The following MCF2L variants were observed in gnomAD, a reference collection of about 807,000 sequenced individuals.
The protein encoded by MCF2L is guanine nucleotide exchange factor DBS.
A neutral mutation model predicts 153.4 loss-of-function variants in MCF2L; 97 were observed. That is an observed-to-expected ratio of 0.63 (90% CI 0.54 to 0.75). MCF2L has a LOEUF of 0.75. MCF2L is among the 30% of genes least tolerant of loss of function. MCF2L has a pLI of 0.00. For synonymous variants in MCF2L, 659 were observed against 632.2 expected, an observed-to-expected ratio of 1.04 and a Z score of -0.64; for missense variants, 1,347 against 1,495.2, an observed-to-expected ratio of 0.90 and a Z score of 1.64.
chr13:113,087,575 T>G (rs2034755625), intron 22 of MCF2L, 119 bp downstream of exon 22: 2 of 1,092,470 alleles, frequency 1.8e-6, no homozygotes, highest in Non-Finnish European at 2.7e-6. Context: ...GGTGTAGGGG[T>G]GGGGTATTCT....
chr13:113,022,206 C>G (rs1443374968), intron 2 of MCF2L, among the ~76,000 whole-genome samples: 2 of 151,678 alleles, frequency 1.3e-5, no homozygotes, highest in Non-Finnish European at 3.0e-5. Context: ...CTCTCCACCT[C>G]TGTGTCCACC....
chr13:112,970,494 T>A (rs559315063), intron 1 of MCF2L, among the ~76,000 whole-genome samples: 1 of 152,316 alleles, frequency 6.6e-6, no homozygotes, highest in African/African-American at 2.4e-5. Context: ...TTTCATGCCG[T>A]CTGCTCCCTG....
chr13:113,090,996 G>A (rs1018928338), intron 26 of MCF2L: 65 of 1,238,326 alleles, frequency 5.2e-5, no homozygotes, highest in Admixed American at 1.4e-4. Flanking sequence ...CTTTTTCATC[G>A]GTGGAAAGGG....
chr13:113,041,822 T>G (rs1418567548), intron 3 of MCF2L, among the ~76,000 whole-genome samples: 2 of 152,060 alleles, frequency 1.3e-5, no homozygotes, highest in Non-Finnish European at 2.9e-5. Flanking sequence ...TGTGTGGGCA[T>G]CTGGGGTCAG....
chr13:113,075,048 T>C lies in MCF2L; in HGVS notation c.1167T>C (p.Ile389=). ...RALSLDGEQL[I]GNKHYAVDSI... is the part of the protein sequence containing the mutation. Reference sequence around the variant, plus strand: ...TGTCTCTGGACGGCGAGCAGCTCATTGGGAACAAGCACTACGCGGTAGACT... The same window carrying C: ...TGTCTCTGGACGGCGAGCAGCTCATCGGGAACAAGCACTACGCGGTAGACT... The change falls in exon 11 of 30, where the codon ATT becomes ATC. Residue 389 remains isoleucine (I), a synonymous_variant. Coordinates refer to ENST00000535094, the MANE Select transcript of MCF2L (RefSeq NM_001112732.3). 1 of 1,612,948 alleles carries C rather than the reference T, an allele frequency of 6.2e-7. No individual in the cohort carries two copies. The highest frequency in any genetic ancestry group is 2.2e-5 in the East Asian group (1 of 44,838).
chr13:112,948,581 G>T (rs2081660320), intron 2 of MCF2L, among the ~76,000 whole-genome samples: 1 of 152,142 alleles, frequency 6.6e-6, no homozygotes, highest in Admixed American at 6.5e-5. Flanking sequence ...AAAATTTATG[G>T]AACACATCTA....
intron 2 of MCF2L, among the ~76,000 whole-genome samples, chr13:112,903,472 T>C (rs2081139284): frequency 6.6e-6 from 1 of 152,288 alleles, no homozygotes; most frequent in Admixed American, 6.5e-5. Flanking sequence ...AGAGCTCAGC[T>C]CTGTGTGTCT....
chr13:113,059,264 C>A (rs1013734597), intron 4 of MCF2L, among the ~76,000 whole-genome samples: 1 of 152,176 alleles, frequency 6.6e-6, no homozygotes, highest in African/African-American at 2.4e-5. Flanking sequence ...CCACGCCCCA[C>A]GCGTCCCCTG....
chr13:113,042,380 T>C (rs1105767), intron 3 of MCF2L: 110,271 of 152,254 alleles, frequency 0.72, 40,187 homozygotes, highest in Middle Eastern at 0.79. Context: ...AATAAATTTA[T>C]GACACCTTAG....
chr13:112,925,876 A>T (rs1477378327), intron 2 of MCF2L, among the ~76,000 whole-genome samples: 1 of 148,628 alleles, frequency 6.7e-6, no homozygotes, highest in Non-Finnish European at 1.5e-5. Context: ...AGAAGAAAAC[A>T]AGAAGCAAAG....
At position 113,074,710 on chromosome 13, in the gene MCF2L, G is replaced by C; in HGVS notation, c.1116+147G>C. On this transcript the variant is annotated intron_variant, in intron 10 of 29. Transcript: ENST00000535094. The surrounding 1 kb of genome is among the most constrained non-coding windows in gnomAD (Gnocchi z 4.2). ...TGTCCATGGGGTGGGGGGTGCTGCT[G>C]CCTGTACCCCTCCCCTCCCACACCC... The C allele has an allele frequency of 8.0e-7, 1 of 1,244,728 alleles. No homozygotes were observed. Among genetic ancestry groups the C allele is most frequent in the Admixed American group, 2.2e-5 (1 of 45,766 alleles). The allele number at this position is 1,244,728 out of a possible 1,614,324, so 77.1% of individuals were successfully genotyped here.
chr13:112,915,068 G>A (rs928289401), intron 2 of MCF2L, among the ~76,000 whole-genome samples: 1 of 151,754 alleles, frequency 6.6e-6, no homozygotes, highest in African/African-American at 2.4e-5. Flanking sequence ...GTCAAGTATG[G>A]GTCCAAGTTT....
chr13:112,998,608 C>T (rs1012405455), intron 1 of MCF2L, among the ~76,000 whole-genome samples: 1 of 152,142 alleles, frequency 6.6e-6, no homozygotes, highest in African/African-American at 2.4e-5. Flanking sequence ...AAATGTGTGT[C>T]CCTGGGGAAC....
At position 113,060,540 on chromosome 13, in the gene MCF2L, G is replaced by T. The variant is rs1239735019; in HGVS notation, c.370-53G>T. Reference sequence around the variant, plus strand: ...AGCGTGCAGGCACCGCACTAGGGGGGCTGCTGTCTGCAGAGCACGCTGCAG... The same window carrying T: ...AGCGTGCAGGCACCGCACTAGGGGGTCTGCTGTCTGCAGAGCACGCTGCAG... On this transcript the variant is annotated intron_variant, in intron 4 of 29. Transcript: ENST00000535094. The T allele has an allele frequency of 9.4e-6, 15 of 1,599,378 alleles. No homozygotes were observed. In the East Asian group the frequency reaches 3.1e-4, roughly 33 times the overall value.
At chr13:112,988,777 C>A (rs1359013978) in intron 1 of MCF2L, among the ~76,000 whole-genome samples, 1 of 105,882 alleles carries the variant, frequency 9.4e-6, no homozygotes, top group Non-Finnish European at 2.0e-5. Context: ...CTACCATGCC[C>A]GAGTCCTCCC....
chr13:112,976,093 G>C (rs2140868960), intron 1 of MCF2L, among the ~76,000 whole-genome samples: 1 of 152,048 alleles, frequency 6.6e-6, no homozygotes, highest in East Asian at 1.9e-4. Flanking sequence ...CTAAATTATG[G>C]GATTGCCTGG....
At chr13:112,935,831 G>T (rs2140642225) in intron 2 of MCF2L, among the ~76,000 whole-genome samples, 1 of 152,308 alleles carries the variant, frequency 6.6e-6, no homozygotes, top group South Asian at 2.1e-4. Context: ...TATAGAAAGA[G>T]GAAATCTGGA....
intron 16 of MCF2L, 122 bp from the exon 17 acceptor site, chr13:113,082,305 A>G: frequency 1.5e-6 from 1 of 652,052 alleles, no homozygotes; most frequent in Non-Finnish European, 2.8e-6. Flanking sequence ...TAACTTAGAA[A>G]TCACCCGAGA....
At chr13:112,928,066 A>G (rs1433114069) in intron 2 of MCF2L, among the ~76,000 whole-genome samples, 2 of 152,144 alleles carry the variant, frequency 1.3e-5, no homozygotes, top group Non-Finnish European at 2.9e-5. Flanking sequence ...GTGGCTGTGG[A>G]ATTGATTGTA....
Sources: gnomAD v4.1 joint callset for allele counts (sites outside exome capture counted in the v4.1 genomes callset) on GRCh38, gnomAD v4.1.1 for gene constraint, Gnocchi (gnomAD v3.1) non-coding constraint, MANE v1.5 for transcripts, NCBI Gene and HGNC (gene_info 2026-07-23, HGNC 2026-07-21) for gene names.